The following PRKD1 variants were observed in gnomAD, a reference collection of about 807,000 sequenced individuals.
The protein encoded by PRKD1 is serine/threonine-protein kinase D1.
PRKD1 carries 63 observed loss-of-function variants against 95.9 expected under a neutral mutation model. That is an observed-to-expected ratio of 0.66 (90% CI 0.54 to 0.81). PRKD1 has a LOEUF of 0.81. PRKD1 is among the 30% of genes least tolerant of loss of function. The probability of loss-of-function intolerance (pLI) is 0.00; values close to 1 mark genes in which losing one functional copy is unlikely to be tolerated. For missense variants in PRKD1, 1,048 were observed against 1,165.3 expected (o/e 0.90, Z 1.47); for synonymous variants, 425 against 423.1 (o/e 1.00, Z -0.05).
chr14:29,641,293 T>C (rs1011105137), intron 4 of PRKD1, among the ~76,000 whole-genome samples: 3 of 152,186 alleles, frequency 2.0e-5, no homozygotes, highest in African/African-American at 7.2e-5. Flanking sequence ...ATACCATTCA[T>C]GCCATTTTAA....
At chr14:29,880,994 T>C (rs1031747940) in intron 1 of PRKD1, among the ~76,000 whole-genome samples, 1 of 152,168 alleles carries the variant, frequency 6.6e-6, no homozygotes, top group Non-Finnish European at 1.5e-5. Flanking sequence ...TTGCCTTGTC[T>C]CACATGAGAC....
chr14:29,927,562 C>A lies in PRKD1; in HGVS notation c.-50G>T. The A allele has an allele frequency of 8.9e-7, 1 of 1,119,802 alleles. No individual in the cohort carries two copies. The allele number at this position is 1,119,802 out of a possible 1,614,324, so 69.4% of individuals were successfully genotyped here. A position where few individuals can be genotyped will look rare whatever the true frequency, so the allele number is the denominator to read the frequency against. ...CAGCGGAGGGCGGGGGCTGGCGGCG[C>A]GGCAGCAGGAAAGTTTTGCAGCCGC... is the stretch of plus-strand genomic sequence containing the variant. On this transcript the variant is annotated 5_prime_UTR_variant, in exon 1 of 18. Coordinates refer to ENST00000331968, the MANE Select transcript of PRKD1 (RefSeq NM_002742.3).
chr14:29,918,429 T>C (rs957448357), intron 1 of PRKD1, among the ~76,000 whole-genome samples: 15 of 152,168 alleles, frequency 9.9e-5, no homozygotes, highest in African/African-American at 3.6e-4. Flanking sequence ...ATGTACCATA[T>C]GTACAATTTG....
chr14:29,733,316 A>AAT (rs1045187886), intron 1 of PRKD1, among the ~76,000 whole-genome samples: 1 of 151,848 alleles, frequency 6.6e-6, no homozygotes, highest in Non-Finnish European at 1.5e-5. Flanking sequence ...GTTAGCCAGG[A>AAT]TGATCTCCAT....
chr14:29,833,355 A>G (rs199818723), intron 1 of PRKD1, among the ~76,000 whole-genome samples: 1 of 152,090 alleles, frequency 6.6e-6, no homozygotes, highest in East Asian at 1.9e-4. Flanking sequence ...ATGATTGTCG[A>G]AATTCTATTC....
At chr14:29,605,606 C>T (rs912416102) in intron 13 of PRKD1, among the ~76,000 whole-genome samples, 1 of 152,128 alleles carries the variant, frequency 6.6e-6, no homozygotes, top group African/African-American at 2.4e-5. Context: ...CTTATCCTAC[C>T]ATATTTGGTT....
At chr14:29,791,817 C>T (rs977925065) in intron 1 of PRKD1, among the ~76,000 whole-genome samples, 1 of 151,976 alleles carries the variant, frequency 6.6e-6, no homozygotes, top group Non-Finnish European at 1.5e-5. Context: ...TATACCACAC[C>T]AAGGTATGGT....
intron 2 of PRKD1, among the ~76,000 whole-genome samples, chr14:29,690,634 T>C (rs1446384829): frequency 2.0e-5 from 3 of 152,180 alleles, no homozygotes; most frequent in South Asian, 2.1e-4. Flanking sequence ...ATAGCAAAAC[T>C]TGAACCAATG....
chr14:29,780,318 C>T (rs1467536684), intron 1 of PRKD1, among the ~76,000 whole-genome samples: 1 of 152,170 alleles, frequency 6.6e-6, no homozygotes, highest in South Asian at 2.1e-4. Flanking sequence ...AGCTTCTGCA[C>T]ATCAAAAGAA....
chr14:29,821,162 T>C (rs1890894939), intron 1 of PRKD1, among the ~76,000 whole-genome samples: 1 of 152,234 alleles, frequency 6.6e-6, no homozygotes, highest in African/African-American at 2.4e-5. Flanking sequence ...TTTTACATGT[T>C]CACAATAGAT....
chr14:29,851,429 C>T (rs1281407479), intron 1 of PRKD1, among the ~76,000 whole-genome samples: 1 of 151,972 alleles, frequency 6.6e-6, no homozygotes, highest in South Asian at 2.1e-4. Flanking sequence ...AAGGCATAGA[C>T]AATTCTCATG....
chr14:29,757,016 A>C (rs1309474345), intron 1 of PRKD1, among the ~76,000 whole-genome samples: 2 of 152,210 alleles, frequency 1.3e-5, no homozygotes, highest in East Asian at 1.9e-4. Context: ...TAATTAAAAG[A>C]GTAAATATCA....
At chr14:29,893,650 T>C (rs1057005903) in intron 1 of PRKD1, among the ~76,000 whole-genome samples, 2 of 152,232 alleles carry the variant, frequency 1.3e-5, no homozygotes, top group African/African-American at 4.8e-5. Flanking sequence ...CTTGCTGACA[T>C]CATTTTCTTT....
intron 1 of PRKD1, among the ~76,000 whole-genome samples, chr14:29,887,148 G>C (rs1017135170): frequency 5.3e-5 from 8 of 152,128 alleles, no homozygotes; most frequent in Non-Finnish European, 1.2e-4. Flanking sequence ...ACTTTCTAGT[G>C]GTGGCTATAA....
intron 4 of PRKD1, among the ~76,000 whole-genome samples, chr14:29,660,127 T>C (rs565027523): frequency 5.3e-5 from 8 of 152,204 alleles, no homozygotes; most frequent in Non-Finnish European, 1.0e-4. Flanking sequence ...CTTTGCCATA[T>C]AGATATCCAA....
At chr14:29,752,276 G>A (rs192885838) in intron 1 of PRKD1, among the ~76,000 whole-genome samples, 1 of 152,246 alleles carries the variant, frequency 6.6e-6, no homozygotes, top group East Asian at 1.9e-4. Flanking sequence ...CAGAGAGTCA[G>A]TTGTTAAACA....
At chr14:29,673,257 C>T (rs779222141) in intron 2 of PRKD1, among the ~76,000 whole-genome samples, 10 of 152,214 alleles carry the variant, frequency 6.6e-5, no homozygotes, top group South Asian at 2.1e-4. Flanking sequence ...TAGTAAAGGA[C>T]GAGAGAGCTA....
intron 1 of PRKD1, among the ~76,000 whole-genome samples, chr14:29,873,803 C>A (rs1275767761): frequency 6.6e-6 from 1 of 151,316 alleles, no homozygotes; most frequent in Non-Finnish European, 1.5e-5. Context: ...TTATAAAATA[C>A]ATAGTTGTAT....
chr14:29,696,526 G>C (rs766611728), intron 2 of PRKD1, among the ~76,000 whole-genome samples: 4 of 152,086 alleles, frequency 2.6e-5, no homozygotes, highest in Non-Finnish European at 4.4e-5. Context: ...TTTTTGCGAT[G>C]ATGGAAATTT....
Sources: allele counts gnomAD v4.1 joint callset (sites outside exome capture counted in the v4.1 genomes callset), GRCh38; gene constraint gnomAD v4.1.1; transcripts MANE v1.5; gene names NCBI Gene and HGNC (gene_info 2026-07-23, HGNC 2026-07-21).